Variants in MAN2A2 observed in about 807,000 individuals in gnomAD.
MAN2A2 encodes the protein mannosidase alpha class 2A member 2, also known as alpha-mannosidase 2x.
In MAN2A2, 79 loss-of-function variants were observed where a neutral mutation model predicts 126.8. The observed-to-expected ratio is 0.62, with a 90% CI of 0.52 to 0.75. MAN2A2 has a LOEUF of 0.75. Among genes scored for constraint, MAN2A2 ranks in the 30% least tolerant of loss-of-function variants. The pLI, the probability that MAN2A2 is intolerant of heterozygous loss-of-function variation, is 0.00. For synonymous variants in MAN2A2, 671 were observed against 618.7 expected (o/e 1.08, Z -1.25); for missense variants, 1,392 against 1,522.4 (o/e 0.91, Z 1.43).
intron 22 of MAN2A2, 66 bp from the exon 23 acceptor site, chr15:90,919,569 T>C (rs1230458431): frequency 6.4e-6 from 10 of 1,572,822 alleles, no homozygotes; most frequent in East Asian, 4.5e-5. Flanking sequence ...AAATTGTAGA[T>C]GAACAGCCAC....
intron 20 of MAN2A2, 163 bp downstream of exon 20, chr15:90,916,419 C>A: frequency 1.8e-6 from 2 of 1,111,690 alleles, no homozygotes; most frequent in Non-Finnish European, 2.6e-6. Flanking sequence ...GTTTTGTGTC[C>A]CATCTCACGC....
chr15:90,916,414 G>A (rs1489391112), intron 20 of MAN2A2, 158 bp downstream of exon 20: 3 of 1,148,526 alleles, frequency 2.6e-6, no homozygotes, highest in African/African-American at 3.1e-5. Flanking sequence ...CTGGCGTTTT[G>A]TGTCCCATCT....
At position 90,913,366 on chromosome 15, in the gene MAN2A2, A is replaced by T; in HGVS notation, c.2678A>T (p.Asp893Val). ...ELALHIHTDI[D>V]SQGIFFTDLN... ...GCCCTGCACATCCATACAGACATCG[A>T]CAGCCAGGGTATCTTCTTCACAGAC... Residue 893 changes from aspartate (D) to valine (V), a missense_variant, in exon 18 of 23, where the codon GAC becomes GTC. By Grantham distance (152) the Asp-to-Val change is radical (BLOSUM62 -3). Coordinates refer to ENST00000559717, the MANE Select transcript of MAN2A2 (RefSeq NM_006122.4). 6.2e-7 allele frequency: 1 copy of T among 1,603,710 alleles called. No individual in the cohort carries two copies. The highest frequency in any genetic ancestry group is 8.5e-7 in the Non-Finnish European group (1 of 1,170,562).
At chr15:90,912,807 G>T in intron 16 of MAN2A2, 70 bp from the exon 17 acceptor site, 2 of 1,555,456 alleles carry the variant, frequency 1.3e-6, no homozygotes, top group South Asian at 2.3e-5. Context: ...CTCTTGCCCA[G>T]CCCTGGGCTG....
At position 90,916,240 on chromosome 15, in the gene MAN2A2, G is replaced by A. The variant is rs377242068; in HGVS notation, c.2978G>A (p.Arg993Gln). The A allele has an allele frequency of 3.1e-6, 5 of 1,613,858 alleles. No individual in the cohort carries two copies. The highest frequency in any genetic ancestry group is 1.7e-5 in the Admixed American group (1 of 60,004). Residue 993 changes from arginine to glutamine, a missense_variant, in exon 20 of 23, where the codon CGA (arginine) becomes CAA (glutamine). Transcript: ENST00000559717. ...CGTTTCCGCCTCCTGCTAGAGCGGC[G>A]AACCGTGGGCAGTGAGGTAACATCT... ...CNRFRLLLER[R>Q]TVGSEVQDSH...
chr15:90,916,395 G>C lies in MAN2A2; in HGVS notation c.2994+139G>C, dbSNP rs796592528. ...GTAGGGCTGAATTCCTGGGGTGGGGGGAGGCAGTCTGGCGTTTTGTGTCCC... is the reference window on the plus strand; with the variant it reads ...GTAGGGCTGAATTCCTGGGGTGGGGCGAGGCAGTCTGGCGTTTTGTGTCCC... On this transcript the variant is annotated intron_variant, in intron 20 of 22. Coordinates refer to ENST00000559717, the MANE Select transcript of MAN2A2 (RefSeq NM_006122.4). The C allele has an allele frequency of 7.2e-6, 9 of 1,257,202 alleles. No homozygotes were observed. The African/African-American group carries it at 1.3e-4, about 19-fold the overall frequency. The allele number at this position is 1,257,202 out of a possible 1,614,324, so 77.9% of individuals were successfully genotyped here.
At chr15:90,914,597 G>A (rs2035025141) in intron 19 of MAN2A2, among the ~76,000 whole-genome samples, 2 of 152,068 alleles carry the variant, frequency 1.3e-5, no homozygotes. Flanking sequence ...TCCGCTCACT[G>A]CAACCTCCGC....
Position 90,910,560 on chromosome 15 carries a change from G to C in MAN2A2, c.1637G>C (p.Gly546Ala), listed in dbSNP as rs141175483. Residue 546 changes from glycine to alanine, a missense_variant, in exon 11 of 23, where the codon GGC becomes GCC. Transcript: ENST00000559717. ...AAHARRSGLA[G>A]RYPLSDFTLL... ...CACGCTCGCCGCTCTGGTCTGGCTGGCCGGTACCCACTGTCTGATTTCACC... is the reference window on the plus strand; with the variant it reads ...CACGCTCGCCGCTCTGGTCTGGCTGCCCGGTACCCACTGTCTGATTTCACC... 9.6e-5 allele frequency: 155 copies of C among 1,614,014 alleles called. No homozygotes were observed. Among genetic ancestry groups the C allele is most frequent in the Non-Finnish European group, 1.3e-4 (151 of 1,180,040 alleles).
At chr15:90,903,939 CG>C in intron 1 of MAN2A2, 2 of 505,850 alleles carry the variant, frequency 4.0e-6, no homozygotes, top group Non-Finnish European at 3.6e-6. Flanking sequence ...GCGCTCCAGT[CG>C]GAGCTGGGAC....
At chr15:90,906,609 A>G (rs1019924446) in intron 6 of MAN2A2, 112 bp downstream of exon 6, 3 of 1,572,492 alleles carry the variant, frequency 1.9e-6, no homozygotes, top group African/African-American at 2.7e-5. Context: ...AGATCCCACC[A>G]TGTGGGCCTG....
rs572944164 is a variant in MAN2A2, at chr15:90,911,882, A to T, written c.2110-161A>T. ...TATCACTTGAGAATCATAAAGTCTG[A>T]TGAGGAAGAAAGGGCAAATCAGATC... On this transcript the variant is annotated intron_variant, in intron 14 of 22. Coordinates refer to ENST00000559717, the MANE Select transcript of MAN2A2 (RefSeq NM_006122.4). The T allele has an allele frequency of 8.1e-4, 555 of 681,430 alleles. 2 individuals are homozygous for T. The highest frequency in any genetic ancestry group is 1.3e-3 in the Non-Finnish European group (489 of 387,458). 42.2% of individuals were successfully genotyped at this position (681,430 alleles called of 1,614,324 possible).
chr15:90,911,261 C>G (rs190359848), intron 13 of MAN2A2, 23 bp downstream of exon 13: 1,223 of 1,613,826 alleles, frequency 7.6e-4, no homozygotes, highest in Non-Finnish European at 9.5e-4. Flanking sequence ...ACGCCATGTG[C>G]AGAGAGGCAG....
upstream of MAN2A2, chr15:90,902,603 G>A (rs1361704213): frequency 6.6e-6 from 1 of 152,112 alleles, no homozygotes; most frequent in Non-Finnish European, 1.5e-5. Context: ...GGGCTGGTGC[G>A]GCTGCGCACT....
rs1596141732 is a variant in MAN2A2 at position 90,906,352 on chromosome 15, G to A, written c.708-18G>A. 1 of 1,614,080 alleles carries A rather than the reference G, an allele frequency of 6.2e-7. No homozygotes were observed. The highest frequency in any genetic ancestry group is 2.2e-5 in the East Asian group (1 of 44,884). On this transcript the variant is annotated intron_variant, in intron 5 of 22. Coordinates refer to ENST00000559717, the MANE Select transcript of MAN2A2 (RefSeq NM_006122.4). ...CAGAGTGTCCTGCTCCGTCCTGAGT[G>A]TGAGTCCTTAACTATAGGCTGGTGG...
At chr15:90,913,522 GC>G in intron 18 of MAN2A2, 91 bp from the exon 19 acceptor site, 1 of 1,564,344 alleles carries the variant, frequency 6.4e-7, no homozygotes, top group Non-Finnish European at 8.7e-7. Context: ...TGAATGAGAG[GC>G]GAAGAGTTAT....
Position 90,919,714 on chromosome 15 carries a change from C to T in MAN2A2, c.3380C>T (p.Ala1127Val), listed in dbSNP as rs1483946710. The part of the protein sequence containing the change: ...PTSLTLLYPL[A>V]SPSNSTDVYL... Reference sequence around the variant, plus strand: ...TCCTTGACGTTACTGTACCCTCTGGCCTCCCCGTCCAACAGCACTGACGTC... The same window carrying T: ...TCCTTGACGTTACTGTACCCTCTGGTCTCCCCGTCCAACAGCACTGACGTC... The change falls in exon 23 of 23, where the codon GCC becomes GTC. Residue 1127 changes from alanine to valine, a missense_variant. Ala to Val is a moderately conservative substitution (Grantham distance 64, BLOSUM62 0). Coordinates refer to ENST00000559717, the MANE Select transcript of MAN2A2 (RefSeq NM_006122.4). 6.2e-7 allele frequency: 1 copy of T among 1,614,236 alleles called. No homozygotes were observed. Among genetic ancestry groups the T allele is most frequent in the Non-Finnish European group, 8.5e-7 (1 of 1,180,036 alleles).
chr15:90,918,066 C>T (rs2035322410), intron 20 of MAN2A2, 128 bp from the exon 21 acceptor site: 2 of 853,548 alleles, frequency 2.3e-6, no homozygotes, highest in Non-Finnish European at 3.7e-6. Flanking sequence ...CCAGGCGTGC[C>T]CTTGAGTCCA....
rs1357403058 is a variant in MAN2A2, at chr15:90,910,587, T to C, written c.1664T>C (p.Leu555Pro). 6.2e-7 allele frequency: 1 copy of C among 1,614,126 alleles called. No individual in the cohort carries two copies. The highest frequency in any genetic ancestry group is 1.7e-5 in the Admixed American group (1 of 60,016). The change falls in exon 11 of 23, where the codon CTC becomes CCC. Residue 555 changes from leucine to proline, a missense_variant. Coordinates refer to ENST00000559717, the MANE Select transcript of MAN2A2 (RefSeq NM_006122.4). ...AGRYPLSDFT[L>P]LTEARRTLGL... is the part of the protein sequence containing the mutation. ...CGGTACCCACTGTCTGATTTCACCC[T>C]CCTGACGGAAGCTCGGCGCACATTG...
At chr15:90,906,713 C>T (rs765134987) in intron 6 of MAN2A2, 27 bp from the exon 7 acceptor site, 10 of 1,606,940 alleles carry the variant, frequency 6.2e-6, no homozygotes, top group Non-Finnish European at 8.5e-6. Context: ...GTGTTCAGGG[C>T]CTCTCTGGCT....
Sources: gnomAD v4.1 joint callset for allele counts (sites outside exome capture counted in the v4.1 genomes callset) on GRCh38, gnomAD v4.1.1 for gene constraint, MANE v1.5 for transcripts, NCBI Gene and HGNC (gene_info 2026-07-23, HGNC 2026-07-21) for gene names.